DCC: variants seen among roughly 807,000 people sequenced by gnomAD.
DCC encodes netrin receptor DCC.
In DCC, 58 loss-of-function variants were observed where a neutral mutation model predicts 172.5. That is an observed-to-expected ratio of 0.34 (90% CI 0.27 to 0.42). DCC has a LOEUF of 0.42. DCC is among the 10% of genes least tolerant of loss of function. DCC has a pLI of 1.00. For missense variants in DCC, 1,740 were observed against 1,791.0 expected (o/e 0.97, Z 0.51); for synonymous variants, 709 against 644.5 (o/e 1.10, Z -1.52).
At chr18:52,991,338 T>C (rs1210884358) in intron 5 of DCC, among the ~76,000 whole-genome samples, 1 of 152,190 alleles carries the variant, frequency 6.6e-6, no homozygotes, top group African/African-American at 2.4e-5. Context: ...TTATTTTTCT[T>C]TGATACAGCA....
chr18:53,313,808 C>G (rs1185475888), intron 13 of DCC, among the ~76,000 whole-genome samples: 2 of 152,152 alleles, frequency 1.3e-5, no homozygotes, highest in East Asian at 3.9e-4. Context: ...AGAGACAGAA[C>G]AGAGTCAAGA....
At chr18:52,852,238 A>T (rs1036621028) in intron 2 of DCC, among the ~76,000 whole-genome samples, 2 of 152,106 alleles carry the variant, frequency 1.3e-5, no homozygotes, top group Non-Finnish European at 2.9e-5. Flanking sequence ...TGACACAAGG[A>T]TATTGCATCA....
rs1185971337 is a variant in DCC, at chr18:53,089,003, C to T, written c.1261+22837C>T. 2.0e-5 allele frequency among the ~76,000 whole-genome samples: 3 copies of T among 152,088 alleles called. No individual in the cohort carries two copies. In the East Asian group the frequency reaches 5.8e-4, roughly 29 times the overall value. ...GTGTATTACTTAAAATAAATATGAC[C>T]AGACATTCTTCATGGTAATGTGACT... On this transcript the variant is annotated intron_variant, in intron 7 of 28. Coordinates refer to ENST00000442544, the MANE Select transcript of DCC (RefSeq NM_005215.4).
chr18:53,333,639 GGAGA>G (rs377254785), intron 14 of DCC, among the ~76,000 whole-genome samples: 3 of 151,934 alleles, frequency 2.0e-5, no homozygotes, highest in African/African-American at 7.3e-5. Flanking sequence ...GGAGATAAGT[GGAGA>G]GAGAGAGAGA....
At chr18:52,375,923 A>C (rs1227954196) in intron 1 of DCC, among the ~76,000 whole-genome samples, 1 of 152,186 alleles carries the variant, frequency 6.6e-6, no homozygotes, top group Non-Finnish European at 1.5e-5. Flanking sequence ...ACAAATGGTA[A>C]AGACTGGTAG....
At chr18:53,118,459 T>C (rs1021993608) in intron 7 of DCC, among the ~76,000 whole-genome samples, 2 of 151,754 alleles carry the variant, frequency 1.3e-5, no homozygotes, top group African/African-American at 4.8e-5. Context: ...ATTTTAGACA[T>C]GTAGGTTGCT....
intron 1 of DCC, among the ~76,000 whole-genome samples, chr18:52,712,123 G>A (rs1290579048): frequency 2.6e-5 from 4 of 152,076 alleles, no homozygotes; most frequent in Non-Finnish European, 5.9e-5. Context: ...ACCACACCCA[G>A]CTAATTATTG....
intron 2 of DCC, among the ~76,000 whole-genome samples, chr18:52,883,757 T>TATAATATA (rs1568167099): frequency 2.6e-5 from 4 of 152,064 alleles, no homozygotes; most frequent in Non-Finnish European, 5.9e-5. Context: ...ATTACAGCGT[T>TATAATATA]ATAATATCCT....
chr18:52,962,682 G>A (rs367736863), intron 5 of DCC, among the ~76,000 whole-genome samples: 8,945 of 150,116 alleles, frequency 0.06, 328 homozygotes, highest in South Asian at 0.13. Flanking sequence ...ACTATTCACA[G>A]TAGCAAAGAC....
intron 8 of DCC, among the ~76,000 whole-genome samples, chr18:53,178,175 G>A (rs2055137973): frequency 6.6e-6 from 1 of 152,070 alleles, no homozygotes; most frequent in South Asian, 2.1e-4. Flanking sequence ...AATTATGTGT[G>A]TCCTTAAAGA....
At chr18:52,700,630 A>G (rs2036109642) in intron 1 of DCC, among the ~76,000 whole-genome samples, 1 of 152,356 alleles carries the variant, frequency 6.6e-6, no homozygotes, top group South Asian at 2.1e-4. Flanking sequence ...TCCCTGAGCA[A>G]GAATATAAGC....
intron 5 of DCC, among the ~76,000 whole-genome samples, chr18:52,935,233 C>T (rs987565659): frequency 2.6e-5 from 4 of 151,964 alleles, no homozygotes; most frequent in Non-Finnish European, 5.9e-5. Flanking sequence ...CATAATAGGT[C>T]TTGTGTAGTT....
intron 12 of DCC, among the ~76,000 whole-genome samples, chr18:53,226,948 A>ATTTTTTTTTTT (rs397976119): frequency 2.5e-4 from 13 of 52,950 alleles, no homozygotes; most frequent in Non-Finnish European, 4.0e-4. Context: ...ATATATATAT[A>ATTTTTTTTTTT]TTTTTTTTTT....
intron 14 of DCC, among the ~76,000 whole-genome samples, chr18:53,323,095 T>C (rs2057430733): frequency 6.6e-6 from 1 of 152,156 alleles, no homozygotes; most frequent in South Asian, 2.1e-4. Flanking sequence ...TCTGAAATTA[T>C]TCCAGTAAAA....
At chr18:53,422,172 TCTTA>T (rs2145080283) in intron 21 of DCC, among the ~76,000 whole-genome samples, 1 of 152,256 alleles carries the variant, frequency 6.6e-6, no homozygotes, top group Non-Finnish European at 1.5e-5. Context: ...AGATTCCACA[TCTTA>T]CTTAACACCT....
chr18:52,479,194 T>A (rs1436170843), intron 1 of DCC, among the ~76,000 whole-genome samples: 2 of 152,206 alleles, frequency 1.3e-5, no homozygotes, highest in Non-Finnish European at 1.5e-5. Context: ...AAAGGGCCAA[T>A]GCTTCTTATC....
chr18:52,950,115 A>G (rs891065399), intron 5 of DCC, among the ~76,000 whole-genome samples: 2 of 152,186 alleles, frequency 1.3e-5, no homozygotes, highest in African/African-American at 4.8e-5. Flanking sequence ...GGCTGTGATT[A>G]TCTTCCTGAT....
chr18:53,509,745 T>C (rs531089580), intron 27 of DCC, among the ~76,000 whole-genome samples: 1 of 152,336 alleles, frequency 6.6e-6, no homozygotes, highest in Admixed American at 6.5e-5. Flanking sequence ...CCACTTGACC[T>C]GCTGTTTTGT....
At chr18:52,794,550 G>GT (rs1215579389) in intron 2 of DCC, among the ~76,000 whole-genome samples, 1 of 151,714 alleles carries the variant, frequency 6.6e-6, no homozygotes, top group African/African-American at 2.4e-5. Flanking sequence ...GAGTCTTTAG[G>GT]TTTTTCTATA....
Sources: allele counts gnomAD v4.1 joint callset (sites outside exome capture counted in the v4.1 genomes callset), GRCh38; gene constraint gnomAD v4.1.1; transcripts MANE v1.5; gene names NCBI Gene and HGNC (gene_info 2026-07-23, HGNC 2026-07-21).